The following TMEM135 variants were observed in gnomAD, a reference collection of about 807,000 sequenced individuals.
The protein encoded by TMEM135 is transmembrane protein 135.
A neutral mutation model predicts 60.3 loss-of-function variants in TMEM135; 30 were observed. The observed-to-expected ratio is 0.50, with a 90% CI of 0.37 to 0.68. TMEM135 has a LOEUF of 0.68. Among genes scored for constraint, TMEM135 ranks in the 30% least tolerant of loss-of-function variants. TMEM135 has a pLI of 0.00. For missense variants in TMEM135, 468 were observed against 548.8 expected (o/e 0.85, Z 1.47); for synonymous variants, 190 against 186.7 (o/e 1.02, Z -0.14).
In TMEM135 at chr11:87,132,510, T is replaced by C. The variant is rs114715110; in HGVS notation, c.397-24831T>C. On this transcript the variant is annotated intron_variant, in intron 4 of 14. Transcript: ENST00000305494. ...ACTATTGATTATAATGTACATGATA[T>C]TGGATTCATTGTAGTATAACACTAA... 1.8e-3 allele frequency among the ~76,000 whole-genome samples: 271 copies of C among 152,272 alleles called. 3 individuals carry two copies. The highest frequency in any genetic ancestry group is 6.1e-3 in the African/African-American group (254 of 41,544).
chr11:87,309,723 T>C (rs1252974201), intron 10 of TMEM135, 51 bp downstream of exon 10: 2 of 1,582,632 alleles, frequency 1.3e-6, no homozygotes, highest in South Asian at 1.1e-5. Flanking sequence ...AACATTGCTA[T>C]TGTTAGAATG....
chr11:87,212,024 T>C (rs1454856073), intron 5 of TMEM135, among the ~76,000 whole-genome samples: 1 of 152,242 alleles, frequency 6.6e-6, no homozygotes, highest in Non-Finnish European at 1.5e-5. Context: ...ACTTTTTTCA[T>C]ATGTAAAACA....
intron 5 of TMEM135, among the ~76,000 whole-genome samples, chr11:87,235,332 G>A (rs1189940224): frequency 6.6e-6 from 1 of 151,670 alleles, no homozygotes; most frequent in Non-Finnish European, 1.5e-5. Context: ...GTTTAGCACA[G>A]AAAGATTTTA....
chr11:87,177,554 G>T (rs773599412), intron 5 of TMEM135, among the ~76,000 whole-genome samples: 1 of 152,040 alleles, frequency 6.6e-6, no homozygotes, highest in Non-Finnish European at 1.5e-5. Flanking sequence ...ATATATTTAT[G>T]GAGTTATATA....
At chr11:87,149,849 G>A (rs1298176213) in intron 4 of TMEM135, among the ~76,000 whole-genome samples, 3 of 152,096 alleles carry the variant, frequency 2.0e-5, no homozygotes, top group African/African-American at 4.8e-5. Context: ...TAAAGTATTT[G>A]ACCTATTGGA....
intron 6 of TMEM135, among the ~76,000 whole-genome samples, chr11:87,249,387 A>G (rs998381572): frequency 1.3e-5 from 2 of 151,956 alleles, no homozygotes; most frequent in African/African-American, 4.8e-5. Context: ...ATGATGTATC[A>G]CATTGATTGA....
chr11:87,193,995 G>A (rs1939876681), intron 5 of TMEM135, among the ~76,000 whole-genome samples: 1 of 152,110 alleles, frequency 6.6e-6, no homozygotes, highest in African/African-American at 2.4e-5. Flanking sequence ...TAGCAGAGAA[G>A]ATTAATGTAG....
intron 14 of TMEM135, 24 bp downstream of exon 14, chr11:87,319,401 A>T: frequency 1.3e-6 from 2 of 1,544,300 alleles, no homozygotes; most frequent in Non-Finnish European, 1.8e-6. Flanking sequence ...TAGTTTTCTT[A>T]AAAATATTAT....
At chr11:87,228,301 G>A (rs1379174353) in intron 5 of TMEM135, among the ~76,000 whole-genome samples, 1 of 152,098 alleles carries the variant, frequency 6.6e-6, no homozygotes, top group Non-Finnish European at 1.5e-5. Flanking sequence ...TGTCTTTTCT[G>A]TTTTATTCAA....
At chr11:87,146,410 G>A (rs892891949) in intron 4 of TMEM135, among the ~76,000 whole-genome samples, 1 of 152,120 alleles carries the variant, frequency 6.6e-6, no homozygotes, top group African/African-American at 2.4e-5. Flanking sequence ...GAGTACTTGG[G>A]AGTAGTGCAT....
intron 1 of TMEM135, among the ~76,000 whole-genome samples, chr11:87,067,012 C>T (rs1187373405): frequency 6.6e-6 from 1 of 151,022 alleles, no homozygotes; most frequent in Non-Finnish European, 1.5e-5. Context: ...GAACTCCAGA[C>T]CTTGTGATCT....
chr11:87,102,692 GTATATATATATGTATATATATGTA>G (rs1184182007), intron 4 of TMEM135, among the ~76,000 whole-genome samples: 5 of 90,368 alleles, frequency 5.5e-5, no homozygotes, highest in Non-Finnish European at 1.0e-4. Flanking sequence ...ATATGTGTGT[GTATATATATATGTATATATATGTA>G]TATATATATA....
chr11:87,131,045 C>T (rs1937914333), intron 4 of TMEM135, among the ~76,000 whole-genome samples: 1 of 151,590 alleles, frequency 6.6e-6, no homozygotes, highest in Non-Finnish European at 1.5e-5. Flanking sequence ...TTATACCCTT[C>T]CTATTGTGCT....
intron 6 of TMEM135, among the ~76,000 whole-genome samples, chr11:87,282,152 G>A (rs1942072716): frequency 6.6e-6 from 1 of 152,098 alleles, no homozygotes; most frequent in Non-Finnish European, 1.5e-5. Flanking sequence ...ATGAAGGGGA[G>A]GTGGATAAGA....
At chr11:87,041,780 G>C (rs1474150849) in intron 1 of TMEM135, among the ~76,000 whole-genome samples, 1 of 152,172 alleles carries the variant, frequency 6.6e-6, no homozygotes, top group Non-Finnish European at 1.5e-5. Context: ...GAATAGTGCG[G>C]GAGTGAAGAC....
At chr11:87,078,849 T>C (rs933663144) in intron 3 of TMEM135, among the ~76,000 whole-genome samples, 2 of 151,940 alleles carry the variant, frequency 1.3e-5, no homozygotes, top group African/African-American at 4.8e-5. Flanking sequence ...CTCGAGCTCC[T>C]GACCTAAGGT....
At chr11:87,249,066 C>T (rs78502761) in intron 6 of TMEM135, among the ~76,000 whole-genome samples, 9,141 of 152,114 alleles carry the variant, frequency 0.06, 296 homozygotes, top group East Asian at 0.1. Flanking sequence ...TTCTTTGTTT[C>T]CAATTTGAAT....
chr11:87,306,258 A>G (rs1186345958), intron 9 of TMEM135, among the ~76,000 whole-genome samples: 1 of 152,212 alleles, frequency 6.6e-6, no homozygotes, highest in African/African-American at 2.4e-5. Context: ...AACTTATGAT[A>G]TAGAAGATAA....
chr11:87,235,920 C>T (rs1398955965), intron 5 of TMEM135, among the ~76,000 whole-genome samples: 1 of 151,816 alleles, frequency 6.6e-6, no homozygotes, highest in Non-Finnish European at 1.5e-5. Flanking sequence ...CTGTATTCCA[C>T]AAAGGAATAT....
Sources: allele counts gnomAD v4.1 joint callset (sites outside exome capture counted in the v4.1 genomes callset), GRCh38; gene constraint gnomAD v4.1.1; transcripts MANE v1.5; gene names NCBI Gene and HGNC (gene_info 2026-07-23, HGNC 2026-07-21).